TEX14: variants seen among roughly 807,000 people sequenced by gnomAD.
The protein encoded by TEX14 is inactive serine/threonine-protein kinase TEX14.
Under a neutral mutation model 178.6 loss-of-function variants are expected in TEX14, and 168 were observed. The ratio of observed to expected loss-of-function variants is 0.94; its 90% CI spans 0.83 to 1.07. The LOEUF (loss-of-function observed/expected upper bound fraction) is 1.07. Among genes scored for constraint, TEX14 ranks in the 50% least tolerant of loss-of-function variants. TEX14 has a pLI of 0.00. For missense variants in TEX14, 1,730 were observed against 1,753.6 expected (o/e 0.99, Z 0.24); for synonymous variants, 626 against 634.1 (o/e 0.99, Z 0.19).
chr17:58,689,407 GAC>G (rs1249917688), intron 1 of TEX14, among the ~76,000 whole-genome samples: 1 of 151,948 alleles, frequency 6.6e-6, no homozygotes, highest in Non-Finnish European at 1.5e-5. Flanking sequence ...TTTTAGTAGA[GAC>G]AGGGTTTCGT....
chr17:58,574,709 T>C (rs1438529930), intron 21 of TEX14, among the ~76,000 whole-genome samples: 1 of 141,604 alleles, frequency 7.1e-6, no homozygotes, highest in African/African-American at 2.7e-5. Context: ...AAAGTGTGAG[T>C]TCTGGTTCTG....
chr17:58,608,595 A>G (rs1336107442), intron 10 of TEX14, among the ~76,000 whole-genome samples: 1 of 152,216 alleles, frequency 6.6e-6, no homozygotes, highest in African/African-American at 2.4e-5. Flanking sequence ...AAAAATATTT[A>G]CTGAGCACTT....
intron 1 of TEX14, among the ~76,000 whole-genome samples, chr17:58,659,842 G>T (rs2047069273): frequency 6.6e-6 from 1 of 151,828 alleles, no homozygotes; most frequent in African/African-American, 2.4e-5. Context: ...GATTACAAGC[G>T]CCTGCCACCA....
At chr17:58,637,917 AGTG>A (rs2046476356) in intron 2 of TEX14, among the ~76,000 whole-genome samples, 1 of 146,484 alleles carries the variant, frequency 6.8e-6, no homozygotes, top group Non-Finnish European at 1.5e-5. Flanking sequence ...GCTGGAGTGC[AGTG>A]GTGCGATCTC....
At chr17:58,592,537 T>C (rs952189013) in intron 15 of TEX14, among the ~76,000 whole-genome samples, 17 of 151,342 alleles carry the variant, frequency 1.1e-4, no homozygotes, top group Non-Finnish European at 2.1e-4. Flanking sequence ...GGTGTCACCA[T>C]GTTAGCCAGG....
rs538026174 is a variant in TEX14, at chr17:58,600,162, C to T, written c.1679-496G>A. On this transcript the variant is annotated intron_variant, in intron 13 of 31. Coordinates refer to ENST00000349033, the MANE Select transcript of TEX14 (RefSeq NM_031272.5). ...TGAATCTTAAGGACCACGTTCATAG[C>T]CTTCTTTTCACACAAAAGAGTTTGA... is the stretch of plus-strand genomic sequence containing the variant. Among the ~76,000 whole-genome samples the T allele has an allele frequency of 1.2e-3, 179 of 152,262 alleles. 1 individual carries two copies. Among genetic ancestry groups the T allele is most frequent in the African/African-American group, 4.1e-3 (170 of 41,542 alleles).
rs765885794 is a variant in TEX14 at position 58,605,030 on chromosome 17, T to C, written c.1284A>G (p.Thr428=). The change falls in exon 11 of 32, where the codon ACA becomes ACG. Residue 428 remains threonine, a synonymous_variant. Coordinates refer to ENST00000349033, the MANE Select transcript of TEX14 (RefSeq NM_031272.5). The part of the protein sequence containing the change: ...APEVILQKAA[T]VKSDIYSFSM... Reference sequence around the variant, plus strand: ...AAAAGCTGTAGATGTCTGATTTCACTGTGGCTGCCTTCTGTAAGATCACTT... The same window carrying C: ...AAAAGCTGTAGATGTCTGATTTCACCGTGGCTGCCTTCTGTAAGATCACTT... The C allele has an allele frequency of 3.1e-6, 5 of 1,614,118 alleles. No individual in the cohort carries two copies. In the East Asian group the frequency reaches 6.7e-5, roughly 22 times the overall value.
intron 1 of TEX14, among the ~76,000 whole-genome samples, chr17:58,687,795 T>C (rs1426893545): frequency 6.6e-6 from 1 of 152,172 alleles, no homozygotes; most frequent in African/African-American, 2.4e-5. Context: ...AGGTTAACTA[T>C]AGACATTAAC....
chr17:58,646,192 G>A (rs922841359), intron 2 of TEX14, among the ~76,000 whole-genome samples: 1 of 152,094 alleles, frequency 6.6e-6, no homozygotes, highest in Non-Finnish European at 1.5e-5. Context: ...AAAGCCAATC[G>A]CTATTATAAG....
intron 15 of TEX14, among the ~76,000 whole-genome samples, chr17:58,588,484 T>C (rs2045037807): frequency 1.3e-5 from 2 of 151,776 alleles, no homozygotes; most frequent in African/African-American, 4.8e-5. Context: ...AGTAGAAAAT[T>C]ATGTTGCCCA....
chr17:58,582,190 G>A (rs1323312036), intron 19 of TEX14, among the ~76,000 whole-genome samples: 1 of 152,114 alleles, frequency 6.6e-6, no homozygotes, highest in African/African-American at 2.4e-5. Context: ...GGCAAATGAA[G>A]AAGCATTTTA....
chr17:58,635,110 T>C (rs1474051857), intron 2 of TEX14, among the ~76,000 whole-genome samples: 2 of 150,736 alleles, frequency 1.3e-5, no homozygotes, highest in Non-Finnish European at 1.5e-5. Context: ...CCAGCCCGGG[T>C]TGACAAAGCG....
intron 14 of TEX14, among the ~76,000 whole-genome samples, chr17:58,595,162 T>C (rs1408968054): frequency 6.6e-6 from 1 of 152,222 alleles, no homozygotes; most frequent in Non-Finnish European, 1.5e-5. Context: ...TAGAATATCA[T>C]GAAGTTTGTA....
chr17:58,660,969 CA>C (rs1245180143), intron 1 of TEX14: 1 of 1,146,414 alleles, frequency 8.7e-7, no homozygotes, highest in African/African-American at 1.5e-5. Context: ...TCAATGCTCT[CA>C]ATCTCTTCTA....
At chr17:58,563,515 G>T (rs774350382) in intron 28 of TEX14, among the ~76,000 whole-genome samples, 26 of 150,318 alleles carry the variant, frequency 1.7e-4, no homozygotes, top group Non-Finnish European at 3.5e-4. Flanking sequence ...AGCCAGGCAT[G>T]GTGGCTTGCA....
chr17:58,641,717 A>G (rs545591569), intron 2 of TEX14, among the ~76,000 whole-genome samples: 1 of 151,928 alleles, frequency 6.6e-6, no homozygotes, highest in African/African-American at 2.4e-5. Flanking sequence ...ATGTTGGCCA[A>G]CCTGGTCTCT....
chr17:58,571,835 T>C (rs1288358440), intron 24 of TEX14, 86 bp downstream of exon 24: 3 of 1,195,466 alleles, frequency 2.5e-6, no homozygotes, highest in Non-Finnish European at 3.7e-6. Flanking sequence ...GCTTTCTTAA[T>C]GAATTTGGAG....
At chr17:58,661,847 G>T in intron 1 of TEX14, 1 of 428,136 alleles carries the variant, frequency 2.3e-6, no homozygotes, top group Non-Finnish European at 4.1e-6. Flanking sequence ...TGTAAAGTGG[G>T]AATAATACTG....
At chr17:58,686,608 C>CAGA (rs1719871170) in intron 1 of TEX14, among the ~76,000 whole-genome samples, 1 of 152,060 alleles carries the variant, frequency 6.6e-6, no homozygotes, top group Non-Finnish European at 1.5e-5. Flanking sequence ...GAAAGGAAAT[C>CAGA]AGAAGTGTGG....
Sources: allele counts gnomAD v4.1 joint callset (sites outside exome capture counted in the v4.1 genomes callset), GRCh38; gene constraint gnomAD v4.1.1; transcripts MANE v1.5; gene names NCBI Gene and HGNC (gene_info 2026-07-23, HGNC 2026-07-21).